The following CYFIP2 variants were observed in gnomAD, a reference collection of about 807,000 sequenced individuals.
The protein encoded by CYFIP2 is cytoplasmic FMR1 interacting protein 2.
A neutral mutation model predicts 158.7 loss-of-function variants in CYFIP2; 29 were observed. The ratio of observed to expected loss-of-function variants is 0.18; its 90% CI spans 0.14 to 0.25. CYFIP2 has a LOEUF of 0.25. CYFIP2 is among the 10% of genes least tolerant of loss of function. The probability of loss-of-function intolerance (pLI) is 1.00; values close to 1 mark genes in which losing one functional copy is unlikely to be tolerated. For missense variants in CYFIP2, 852 were observed against 1,639.5 expected (o/e 0.52, Z 8.29); for synonymous variants, 585 against 617.6 (o/e 0.95, Z 0.78).
At chr5:157,355,452 C>A (rs1763349026) in intron 23 of CYFIP2, among the ~76,000 whole-genome samples, 1 of 152,152 alleles carries the variant, frequency 6.6e-6, no homozygotes. Flanking sequence ...CACATTTAAA[C>A]CTCAAACAAC....
chr5:157,284,989 C>T (rs901000234), intron 1 of CYFIP2, among the ~76,000 whole-genome samples: 1 of 152,130 alleles, frequency 6.6e-6, no homozygotes, highest in African/African-American at 2.4e-5. Context: ...TTCTCACATC[C>T]CACTTGAGGT....
chr5:157,339,547 T>TG (rs1382996536), intron 22 of CYFIP2, among the ~76,000 whole-genome samples: 1 of 152,218 alleles, frequency 6.6e-6, no homozygotes, highest in Non-Finnish European at 1.5e-5. Context: ...GGGCATGCCA[T>TG]GGTGAGCAGA....
At chr5:157,332,384 GA>G (rs1290939991) in intron 20 of CYFIP2, among the ~76,000 whole-genome samples, 1 of 152,114 alleles carries the variant, frequency 6.6e-6, no homozygotes. Context: ...GTGTGTGGGG[GA>G]TGAATATACA....
At chr5:157,384,624 CCTT>C (rs1561789076) in intron 28 of CYFIP2, 3 of 411,284 alleles carry the variant, frequency 7.3e-6, no homozygotes, top group South Asian at 1.7e-5. Context: ...CCACCAACCT[CCTT>C]CTGAAAATGG....
At chr5:157,314,779 C>T (rs772043300) in intron 12 of CYFIP2, among the ~76,000 whole-genome samples, 190 bp from the exon 13 acceptor site, 69 of 152,314 alleles carry the variant, frequency 4.5e-4, no homozygotes, top group Non-Finnish European at 7.2e-4. Flanking sequence ...TAAATAGAAT[C>T]ATATGATATG....
At chr5:157,306,737 C>G (rs1759259532) in intron 8 of CYFIP2, among the ~76,000 whole-genome samples, 1 of 151,960 alleles carries the variant, frequency 6.6e-6, no homozygotes, top group Non-Finnish European at 1.5e-5. Flanking sequence ...CAAAAATTAG[C>G]CGGGGGTGGT....
At chr5:157,287,750 G>T (rs950093182) in intron 3 of CYFIP2, among the ~76,000 whole-genome samples, 1 of 152,044 alleles carries the variant, frequency 6.6e-6, no homozygotes, top group Non-Finnish European at 1.5e-5. Context: ...GTCTTAGCTC[G>T]TTTTGTGATG....
At chr5:157,317,585 C>T (rs1394457208) in intron 13 of CYFIP2, among the ~76,000 whole-genome samples, 3 of 152,166 alleles carry the variant, frequency 2.0e-5, no homozygotes, top group Non-Finnish European at 4.4e-5. Context: ...ATCTTCCCAT[C>T]GTGGTAATTT....
intron 20 of CYFIP2, among the ~76,000 whole-genome samples, chr5:157,331,212 G>C (rs987310995): frequency 4.6e-5 from 7 of 152,018 alleles, no homozygotes; most frequent in African/African-American, 1.2e-4. Flanking sequence ...AAGTGAGGAA[G>C]ACTGTGGCGC....
intron 26 of CYFIP2, among the ~76,000 whole-genome samples, chr5:157,381,497 C>T (rs1766068517): frequency 6.9e-6 from 1 of 145,244 alleles, no homozygotes; most frequent in African/African-American, 2.6e-5. Flanking sequence ...CACTGCACTC[C>T]AGCCTGGGCA....
intron 26 of CYFIP2, among the ~76,000 whole-genome samples, chr5:157,368,984 C>T (rs1764722132): frequency 6.6e-6 from 1 of 151,744 alleles, no homozygotes; most frequent in Non-Finnish European, 1.5e-5. Context: ...CTGCAGCCTC[C>T]ACCTCCTGGG....
chr5:157,340,890 G>A (rs575424592), intron 22 of CYFIP2, among the ~76,000 whole-genome samples, 180 bp from the exon 23 acceptor site: 4 of 152,226 alleles, frequency 2.6e-5, no homozygotes, highest in Admixed American at 6.5e-5. Flanking sequence ...GAAAGGAGAC[G>A]GCAGTTGAAT....
chr5:157,298,170 C>T (rs1203946961), intron 5 of CYFIP2, among the ~76,000 whole-genome samples: 2 of 152,060 alleles, frequency 1.3e-5, no homozygotes, highest in Non-Finnish European at 2.9e-5. Context: ...ACTTCAGTAG[C>T]CTCTTTTTGT....
intron 15 of CYFIP2, among the ~76,000 whole-genome samples, chr5:157,322,709 A>G (rs1760697810): frequency 6.6e-6 from 1 of 152,212 alleles, no homozygotes; most frequent in South Asian, 2.1e-4. Context: ...TACCCGCATC[A>G]GTGCCAGGCA....
intron 7 of CYFIP2, among the ~76,000 whole-genome samples, chr5:157,303,464 C>A (rs759130606): frequency 6.6e-6 from 1 of 152,172 alleles, no homozygotes; most frequent in Non-Finnish European, 1.5e-5. Context: ...GCAAGACAAG[C>A]ATAACTGTCA....
chr5:157,332,984 A>G (rs184645526), intron 20 of CYFIP2, among the ~76,000 whole-genome samples: 96 of 152,298 alleles, frequency 6.3e-4, no homozygotes, highest in Non-Finnish European at 9.0e-4. Flanking sequence ...TTTAAAGGGT[A>G]GGTAAAGCAG....
At chr5:157,342,554 A>C in intron 23 of CYFIP2, 1 of 263,480 alleles carries the variant, frequency 3.8e-6, no homozygotes, top group Non-Finnish European at 7.2e-6. Context: ...TGTCATGCAA[A>C]TTTTTGCTTT....
intron 23 of CYFIP2, chr5:157,342,814 G>A (rs1272235540): frequency 4.5e-6 from 7 of 1,539,010 alleles, no homozygotes; most frequent in Non-Finnish European, 6.2e-6. Flanking sequence ...ACGACCTACT[G>A]TGTGGAAAGC....
At chr5:157,277,911 C>T (rs1041759130) in intron 1 of CYFIP2, among the ~76,000 whole-genome samples, 1 of 152,146 alleles carries the variant, frequency 6.6e-6, no homozygotes, top group Non-Finnish European at 1.5e-5. Flanking sequence ...CCTATTGCTC[C>T]TGGGCTGCAA....
Sources: allele counts gnomAD v4.1 joint callset (sites outside exome capture counted in the v4.1 genomes callset), GRCh38; gene constraint gnomAD v4.1.1; transcripts MANE v1.5; gene names NCBI Gene and HGNC (gene_info 2026-07-23, HGNC 2026-07-21).